Variants in B3GALT1 observed in about 807,000 individuals in gnomAD.
B3GALT1 encodes UDP-Gal:betaGlcNAc beta 1,3-galactosyltransferase, polypeptide 1.
A neutral mutation model predicts 23.2 loss-of-function variants in B3GALT1; 10 were observed. The ratio of observed to expected loss-of-function variants is 0.43; its 90% CI spans 0.27 to 0.73. The LOEUF (loss-of-function observed/expected upper bound fraction) is 0.73. B3GALT1 is among the 30% of genes least tolerant of loss of function. The pLI is 0.21. For missense variants in B3GALT1, 299 were observed against 405.4 expected (o/e 0.74, Z 2.25); for synonymous variants, 156 against 141.5 (o/e 1.10, Z -0.73).
intron 2 of B3GALT1, among the ~76,000 whole-genome samples, chr2:167,605,664 C>A (rs1281743558): frequency 6.6e-6 from 1 of 152,188 alleles, no homozygotes; most frequent in African/African-American, 2.4e-5. Flanking sequence ...TTCTTTTGGT[C>A]AAGGCAAGTC....
intron 3 of B3GALT1, among the ~76,000 whole-genome samples, chr2:167,789,476 A>G (rs892872823): frequency 6.6e-6 from 1 of 152,172 alleles, no homozygotes; most frequent in Non-Finnish European, 1.5e-5. Context: ...AAGAGCATAA[A>G]TAAAGCCTTT....
chr2:167,538,822 G>A (rs1006022340), intron 2 of B3GALT1, among the ~76,000 whole-genome samples: 1 of 152,040 alleles, frequency 6.6e-6, no homozygotes, highest in South Asian at 2.1e-4. Context: ...ACTTAACTGT[G>A]TCTTCTTAGT....
intron 1 of B3GALT1, among the ~76,000 whole-genome samples, chr2:167,403,215 T>A (rs897562915): frequency 8.0e-6 from 1 of 125,660 alleles, no homozygotes; most frequent in Admixed American, 9.9e-5. Flanking sequence ...ATGTTCCCCA[T>A]CTTGTGTCCA....
At chr2:167,617,621 A>G (rs967312068) in intron 2 of B3GALT1, among the ~76,000 whole-genome samples, 12 of 152,084 alleles carry the variant, frequency 7.9e-5, no homozygotes, top group Admixed American at 7.9e-4. Flanking sequence ...TTTTGGAGAA[A>G]TAGGCTAGCC....
chr2:167,758,598 C>A (rs1687855264), intron 3 of B3GALT1, among the ~76,000 whole-genome samples: 1 of 152,132 alleles, frequency 6.6e-6, no homozygotes, highest in South Asian at 2.1e-4. Context: ...CCCACCACTG[C>A]TCTGCTTTCT....
chr2:167,867,125 ACCG>A (rs1690241560), intron 4 of B3GALT1, among the ~76,000 whole-genome samples: 1 of 152,018 alleles, frequency 6.6e-6, no homozygotes, highest in Non-Finnish European at 1.5e-5. Context: ...ACGGGGTTTC[ACCG>A]TTTTAGCCAG....
At chr2:167,780,832 A>G (rs1688234157) in intron 3 of B3GALT1, among the ~76,000 whole-genome samples, 1 of 152,206 alleles carries the variant, frequency 6.6e-6, no homozygotes. Flanking sequence ...GTGTCACTCT[A>G]TGGTCATTGA....
chr2:167,310,685 GA>G (rs1696622441), intron 1 of B3GALT1, among the ~76,000 whole-genome samples: 1 of 151,968 alleles, frequency 6.6e-6, no homozygotes, highest in South Asian at 2.1e-4. Flanking sequence ...GTAGAATGTA[GA>G]AAGGATTTTA....
At chr2:167,749,014 T>C (rs765941422) in intron 3 of B3GALT1, among the ~76,000 whole-genome samples, 23 of 152,136 alleles carry the variant, frequency 1.5e-4, no homozygotes, top group Admixed American at 5.9e-4. Flanking sequence ...AAGACACCTA[T>C]AAATAAAAAA....
In B3GALT1 at chr2:167,733,775, GC is replaced by G. The variant is rs1687448726; in HGVS notation, c.-351-84895del. Among the ~76,000 whole-genome samples the G allele has an allele frequency of 2.6e-5, 4 of 152,242 alleles. No homozygotes were observed. In the South Asian group the frequency reaches 8.3e-4, roughly 32 times the overall value. ...AACTTAACATTCTTCAAAGCCATTTGCCTTTGGCTCAGGTTTCCACAGATGA... is the reference window on the plus strand; with the variant it reads ...AACTTAACATTCTTCAAAGCCATTTGCTTTGGCTCAGGTTTCCACAGATGA... On this transcript the variant is annotated intron_variant, in intron 3 of 4. Coordinates refer to ENST00000392690, the MANE Select transcript of B3GALT1 (RefSeq NM_020981.4).
chr2:167,352,951 A>G (rs1697340837), intron 1 of B3GALT1, among the ~76,000 whole-genome samples: 1 of 152,236 alleles, frequency 6.6e-6, no homozygotes, highest in Non-Finnish European at 1.5e-5. Context: ...TAATAAACCC[A>G]GTGTGATTTG....
In B3GALT1 at chr2:167,323,085, A is replaced by G. The variant is rs1696838273; in HGVS notation, c.-511+29751A>G. On this transcript the variant is annotated intron_variant, in intron 1 of 4. Coordinates refer to ENST00000392690, the MANE Select transcript of B3GALT1 (RefSeq NM_020981.4). ...TTTTAAAAAATAAAGGCAAAGCACAATAAAACATTATTATGATTGCTCATT... is the reference window on the plus strand; with the variant it reads ...TTTTAAAAAATAAAGGCAAAGCACAGTAAAACATTATTATGATTGCTCATT... Among the ~76,000 whole-genome samples, 4 of 118,044 alleles carry G rather than the reference A, an allele frequency of 3.4e-5. No individual in the cohort carries two copies. The Admixed American group carries it at 4.1e-4, about 12-fold the overall frequency. 77.4% of individuals were successfully genotyped at this position (118,044 alleles called of 152,430 possible).
intron 3 of B3GALT1, among the ~76,000 whole-genome samples, chr2:167,729,137 G>GA (rs1687367394): frequency 6.6e-6 from 1 of 152,176 alleles, no homozygotes; most frequent in South Asian, 2.1e-4. Context: ...AGGGAGTGGG[G>GA]ATGATGGGGA....
rs1687110141 is a variant in B3GALT1, at chr2:167,714,341, TCTC to T, written c.-352+67379_-352+67381del. ...ATCAGTTGACCTATCACAGCTTGGT[TCTC>T]CTCTTTTATTGGTAATCTGATGGTC... On this transcript the variant is annotated intron_variant, in intron 3 of 4. Coordinates refer to ENST00000392690, the MANE Select transcript of B3GALT1 (RefSeq NM_020981.4). 4.7e-6 allele frequency: 7 copies of T among 1,497,160 alleles called. 1 individual carries two copies. The South Asian group carries it at 7.9e-5, about 17-fold the overall frequency. 92.7% of individuals were successfully genotyped at this position (1,497,160 alleles called of 1,614,324 possible). A position where few individuals can be genotyped will look rare whatever the true frequency, so the allele number is the denominator to read the frequency against.
intron 2 of B3GALT1, among the ~76,000 whole-genome samples, chr2:167,500,792 C>T (rs559541324): frequency 1.4e-4 from 21 of 152,218 alleles, no homozygotes; most frequent in African/African-American, 5.1e-4. Context: ...AAATTACTTA[C>T]TCCTGGGGTA....
intron 1 of B3GALT1, among the ~76,000 whole-genome samples, chr2:167,307,626 TGC>T (rs1197189819): frequency 6.6e-6 from 1 of 152,072 alleles, no homozygotes; most frequent in Non-Finnish European, 1.5e-5. Flanking sequence ...GTTCATGGTT[TGC>T]CAGGACTGTC....
chr2:167,415,412 G>A (rs899139444), intron 1 of B3GALT1, among the ~76,000 whole-genome samples: 3 of 152,156 alleles, frequency 2.0e-5, no homozygotes, highest in African/African-American at 7.2e-5. Context: ...ACTGGGAGAA[G>A]TAAATTTCTT....
intron 3 of B3GALT1, among the ~76,000 whole-genome samples, chr2:167,657,639 C>G (rs1685977983): frequency 6.6e-6 from 1 of 152,008 alleles, no homozygotes; most frequent in South Asian, 2.1e-4. Flanking sequence ...TAACCAGGAA[C>G]AAGTAGTATT....
chr2:167,326,776 G>A (rs1304459476), intron 1 of B3GALT1, among the ~76,000 whole-genome samples: 2 of 152,026 alleles, frequency 1.3e-5, no homozygotes, highest in East Asian at 1.9e-4. Context: ...TGCAACCTCC[G>A]CCTCCCGGGT....
Sources: allele counts gnomAD v4.1 joint callset (sites outside exome capture counted in the v4.1 genomes callset), GRCh38; gene constraint gnomAD v4.1.1; transcripts MANE v1.5; gene names NCBI Gene and HGNC (gene_info 2026-07-23, HGNC 2026-07-21).